Variants in WSCD2 observed in about 807,000 individuals in gnomAD.
WSCD2 encodes WSC domain sialate O sulfotransferase 2.
Under a neutral mutation model 55.7 loss-of-function variants are expected in WSCD2, and 28 were observed. That is an observed-to-expected ratio of 0.50 (90% confidence interval 0.37 to 0.69). The LOEUF (loss-of-function observed/expected upper bound fraction) is 0.69. Among genes scored for constraint, WSCD2 ranks in the 30% least tolerant of loss-of-function variants. The probability of loss-of-function intolerance (pLI) is 0.00; values close to 1 mark genes in which losing one functional copy is unlikely to be tolerated. For missense variants in WSCD2, 616 were observed against 762.1 expected (o/e 0.81, Z 2.26); for synonymous variants, 301 against 301.9 (o/e 1.00, Z 0.03).
At chr12:108,239,771 G>A (rs955727702) in intron 7 of WSCD2, among the ~76,000 whole-genome samples, 5 of 152,194 alleles carry the variant, frequency 3.3e-5, no homozygotes, top group Admixed American at 3.3e-4. Flanking sequence ...CTGGACTGCA[G>A]TGGCATGATC....
chr12:108,198,025 C>T (rs150998900), intron 2 of WSCD2, among the ~76,000 whole-genome samples: 146 of 151,084 alleles, frequency 9.7e-4, no homozygotes, highest in African/African-American at 3.3e-3. Context: ...GAGACCATCC[C>T]GGAGCATCCT....
intron 1 of WSCD2, among the ~76,000 whole-genome samples, chr12:108,163,006 T>C (rs1028903654): frequency 4.6e-5 from 7 of 152,182 alleles, no homozygotes; most frequent in East Asian, 3.8e-4. Context: ...CCTCATTGTA[T>C]AGGCAGGAAA....
intron 1 of WSCD2, among the ~76,000 whole-genome samples, chr12:108,192,272 G>A (rs1365310): frequency 0.69 from 104,450 of 152,096 alleles, 39,316 homozygotes; most frequent in East Asian, 0.9. Flanking sequence ...TAGGGGAGAA[G>A]TCAAGATCCT....
chr12:108,145,501 C>T (rs933848), intron 1 of WSCD2, among the ~76,000 whole-genome samples: 109,097 of 152,070 alleles, frequency 0.72, 39,761 homozygotes, highest in East Asian at 0.91. Flanking sequence ...AGTTAATAGA[C>T]GGAGTTCAAA....
At chr12:108,183,662 GA>G (rs1243120286) in intron 1 of WSCD2, among the ~76,000 whole-genome samples, 1 of 152,208 alleles carries the variant, frequency 6.6e-6, no homozygotes, top group African/African-American at 2.4e-5. Flanking sequence ...ATTCAGAGGA[GA>G]AAGGCTGTCT....
At chr12:108,187,454 C>T (rs184517294) in intron 1 of WSCD2, among the ~76,000 whole-genome samples, 8 of 152,334 alleles carry the variant, frequency 5.3e-5, no homozygotes, top group Admixed American at 3.3e-4. Flanking sequence ...GTTTAGCATA[C>T]GGTTAAGAGT....
intron 5 of WSCD2, among the ~76,000 whole-genome samples, chr12:108,226,109 G>A (rs1434351068): frequency 6.6e-6 from 1 of 152,050 alleles, no homozygotes; most frequent in Non-Finnish European, 1.5e-5. Flanking sequence ...CTCAGACTCA[G>A]TGGCTCTGAG....
At position 108,192,703 on chromosome 12, in the gene WSCD2, G is replaced by A. The variant is rs2137036972; in HGVS notation, c.-551-2579G>A. Among the ~76,000 whole-genome samples the A allele has an allele frequency of 1.3e-5, 2 of 152,266 alleles. 1 individual carries two copies. Among genetic ancestry groups the A allele is most frequent in the Non-Finnish European group, 2.9e-5 (2 of 68,022 alleles). ...TCAGTGATGCACCCTCATGTGGGCT[G>A]TTCCTCTTCCCTGGGCTAACCTTCT... On this transcript the variant is annotated intron_variant, in intron 1 of 8. Transcript: ENST00000547525.
At chr12:108,204,981 GC>G (rs1272570686) in intron 2 of WSCD2, among the ~76,000 whole-genome samples, 2 of 152,178 alleles carry the variant, frequency 1.3e-5, no homozygotes, top group Non-Finnish European at 2.9e-5. Context: ...CCAAGTGCTG[GC>G]TGGATCCCCG....
In WSCD2 at chr12:108,248,373, G is replaced by T; in HGVS notation, c.*30G>T. 1.9e-6 allele frequency: 3 copies of T among 1,591,838 alleles called. No homozygotes were observed. Among genetic ancestry groups the T allele is most frequent in the Non-Finnish European group, 2.6e-6 (3 of 1,166,028 alleles). ...TCCACACAGGGGGAGGGTAGACTGG[G>T]AGTCCTGACCACGCAGGCCCTGGGG... On this transcript the variant is annotated 3_prime_UTR_variant, in exon 9 of 9. Coordinates refer to ENST00000547525, the MANE Select transcript of WSCD2 (RefSeq NM_014653.4). The surrounding 1 kb of genome is among the most constrained non-coding windows in gnomAD (Gnocchi z 4.3).
chr12:108,158,491 G>A (rs1878745888), intron 1 of WSCD2, among the ~76,000 whole-genome samples: 3 of 152,016 alleles, frequency 2.0e-5, no homozygotes, highest in Admixed American at 2.0e-4. Flanking sequence ...TTTACACACA[G>A]GGCTACTGGG....
intron 1 of WSCD2, among the ~76,000 whole-genome samples, chr12:108,147,159 G>A (rs1877475978): frequency 6.6e-6 from 1 of 152,208 alleles, no homozygotes; most frequent in Non-Finnish European, 1.5e-5. Flanking sequence ...TGAGCAAGAA[G>A]CTCTGATGCC....
intron 1 of WSCD2, among the ~76,000 whole-genome samples, chr12:108,173,940 A>G (rs1880528005): frequency 6.6e-6 from 1 of 151,214 alleles, no homozygotes; most frequent in East Asian, 2.0e-4. Flanking sequence ...AGTTTGGGCC[A>G]TTCTCCCCAA....
chr12:108,183,897 T>A (rs1882121993), intron 1 of WSCD2, among the ~76,000 whole-genome samples: 1 of 152,110 alleles, frequency 6.6e-6, no homozygotes, highest in African/African-American at 2.4e-5. Flanking sequence ...ATCTGTAAAG[T>A]GAGATTAAAC....
chr12:108,210,323 GC>G lies in WSCD2; in HGVS notation c.682+22del. ...CCGCAGGTGTACGTGAGTCTGCCCT[GC>G]CCCTCTCTGCTGCTCCTCCCTCAGC... On this transcript the variant is annotated intron_variant, in intron 4 of 8. Coordinates refer to ENST00000547525, the MANE Select transcript of WSCD2 (RefSeq NM_014653.4). The surrounding 1 kb of genome is among the most constrained non-coding windows in gnomAD (Gnocchi z 4.3). 1.3e-6 allele frequency: 2 copies of G among 1,549,164 alleles called. No individual in the cohort carries two copies.
intron 6 of WSCD2, among the ~76,000 whole-genome samples, chr12:108,228,455 C>A (rs760760504): frequency 3.9e-5 from 6 of 152,224 alleles, no homozygotes; most frequent in African/African-American, 7.2e-5. Flanking sequence ...GACTCCAAAG[C>A]CCCTGCTAGA....
chr12:108,221,075 G>T (rs1887461109), intron 4 of WSCD2, among the ~76,000 whole-genome samples: 1 of 152,144 alleles, frequency 6.6e-6, no homozygotes, highest in South Asian at 2.1e-4. Context: ...AGAGTTCCCA[G>T]CATGGAGCCT....
At chr12:108,138,283 C>T (rs1398977199) in intron 1 of WSCD2, among the ~76,000 whole-genome samples, 1 of 152,100 alleles carries the variant, frequency 6.6e-6, no homozygotes, top group Admixed American at 6.5e-5. Flanking sequence ...ATAGATGCCC[C>T]GGCCTCAAAA....
intron 2 of WSCD2, among the ~76,000 whole-genome samples, chr12:108,203,272 A>T (rs1318885875): frequency 2.6e-5 from 4 of 152,234 alleles, no homozygotes; most frequent in Non-Finnish European, 5.9e-5. Context: ...TGGATTTTTT[A>T]AATGAATAAT....
Sources: allele counts gnomAD v4.1 joint callset (sites outside exome capture counted in the v4.1 genomes callset), GRCh38; gene constraint gnomAD v4.1.1; non-coding constraint Gnocchi (gnomAD v3.1); transcripts MANE v1.5; gene names NCBI Gene and HGNC (gene_info 2026-07-23, HGNC 2026-07-21).